Variants in IDH2 observed in about 807,000 individuals in gnomAD.
The protein encoded by IDH2 is isocitrate dehydrogenase [NADP], mitochondrial.
A neutral mutation model predicts 50.5 loss-of-function variants in IDH2; 18 were observed. The ratio of observed to expected loss-of-function variants is 0.36; its 90% confidence interval spans 0.25 to 0.53. The LOEUF (loss-of-function observed/expected upper bound fraction) is 0.53, where lower values mean the gene tolerates loss of function less well. IDH2 is among the 20% of genes least tolerant of loss of function. The pLI is 0.92. For synonymous variants in IDH2, 280 were observed against 239.8 expected (o/e 1.17, Z -1.55); for missense variants, 518 against 610.7 (o/e 0.85, Z 1.60).
In IDH2 at chr15:90,085,296, G is replaced by A. The variant is rs143339918; in HGVS notation, c.1059C>T (p.Arg353=). 60 of 1,552,548 alleles carry A rather than the reference G, an allele frequency of 3.9e-5. 1 individual carries two copies. In the African/African-American group the frequency reaches 5.7e-4, roughly 15 times the overall value. ...TCACCTTCTGGTGCTCCCGATAGTG[G>A]CGGGTGACGGTCCCATGAGCGGCCT... ...EAEAAHGTVT[R]HYREHQKGRP... is the part of the protein sequence containing the mutation. The change falls in exon 8 of 11, where the codon CGC becomes CGT. Residue 353 remains arginine, a synonymous_variant. Coordinates refer to ENST00000330062, the MANE Select transcript of IDH2 (RefSeq NM_002168.4). The surrounding 1 kb of genome is among the most constrained non-coding windows in gnomAD (Gnocchi z 5.5).
At position 90,100,702 on chromosome 15, in the gene IDH2, A is replaced by G; in HGVS notation, c.115+1574T>C. 1 of 951,970 alleles carries G rather than the reference A, an allele frequency of 1.1e-6. No homozygotes were observed. Among genetic ancestry groups the G allele is most frequent in the African/African-American group, 1.8e-5 (1 of 56,706 alleles). 59.0% of individuals were successfully genotyped at this position (951,970 alleles called of 1,614,324 possible). A position where few individuals can be genotyped will look rare whatever the true frequency, so the allele number is the denominator to read the frequency against. ...CCCAAAATATTCTTTCCTTGTCATC[A>G]AGGGGAATGCCAAGTATTCTGTCTC... On this transcript the variant is annotated intron_variant, in intron 1 of 10. Transcript: ENST00000330062. This position sits in a 1 kb window ranked among gnomAD's most constrained non-coding sequence, Gnocchi z 4.1.
chr15:90,102,461 C>G lies in IDH2; in HGVS notation c.-71G>C. On this transcript the variant is annotated 5_prime_UTR_variant, in exon 1 of 11. Coordinates refer to ENST00000330062, the MANE Select transcript of IDH2 (RefSeq NM_002168.4). ...GCGCCGCTCCTCCCGGCTGCCTGGC[C>G]GCGGGCTAACGCTGGGCCTGGCGGG... 1.2e-6 allele frequency: 1 copy of G among 857,400 alleles called. No homozygotes were observed. Among genetic ancestry groups the G allele is most frequent in the Non-Finnish European group, 1.5e-6 (1 of 658,056 alleles). 53.1% of individuals were successfully genotyped at this position (857,400 alleles called of 1,614,324 possible). A position where few individuals can be genotyped will look rare whatever the true frequency, so the allele number is the denominator to read the frequency against.
At chr15:90,091,674 C>A in intron 1 of IDH2, 30 bp from the exon 2 acceptor site, 1 of 1,589,124 alleles carries the variant, frequency 6.3e-7, no homozygotes, top group Non-Finnish European at 8.6e-7. Flanking sequence ...GCGCATCATG[C>A]CCCTGGGGAG....
In IDH2 at chr15:90,100,379, A is replaced by G. The variant is rs1901296843; in HGVS notation, c.115+1897T>C. Among the ~76,000 whole-genome samples, 2 of 152,118 alleles carry G rather than the reference A, an allele frequency of 1.3e-5. No individual in the cohort carries two copies. Among genetic ancestry groups the G allele is most frequent in the African/African-American group, 4.8e-5 (2 of 41,430 alleles). On this transcript the variant is annotated intron_variant, in intron 1 of 10. Coordinates refer to ENST00000330062, the MANE Select transcript of IDH2 (RefSeq NM_002168.4). This position sits in a 1 kb window ranked among gnomAD's most constrained non-coding sequence, Gnocchi z 4.1. ...CCAAAGAGGCTTTTCCTCAGTACCT[A>G]CTAGGCCTAAACACAACCACCCCAA...
Position 90,098,527 on chromosome 15 carries a change from C to CATGTATGTATGT in IDH2, c.115+3748_115+3749insACATACATACAT, listed in dbSNP as rs1567259685. ...TTATGTATGTATGTATGTATGTATG[C>CATGTATGTATGT]ATGCATGTATGTATGTATGTATGTA... On this transcript the variant is annotated intron_variant, in intron 1 of 10. Transcript: ENST00000330062. The surrounding 1 kb of genome is among the most constrained non-coding windows in gnomAD (Gnocchi z 5.1). Among the ~76,000 whole-genome samples, 6 of 144,658 alleles carry CATGTATGTATGT rather than the reference C, an allele frequency of 4.1e-5. No individual in the cohort carries two copies. Among genetic ancestry groups the CATGTATGTATGT allele is most frequent in the Non-Finnish European group, 7.7e-5 (5 of 64,714 alleles). The allele number at this position is 144,658 out of a possible 152,430, so 94.9% of individuals were successfully genotyped here.
chr15:90,097,003 G>A (rs955621173), intron 1 of IDH2, among the ~76,000 whole-genome samples: 1 of 152,118 alleles, frequency 6.6e-6, no homozygotes, highest in Non-Finnish European at 1.5e-5. Context: ...TATCGAAAGC[G>A]GGGTCTGAAA....
Position 90,085,991 on chromosome 15 carries a change from T to G in IDH2, c.968-604A>C, listed in dbSNP as rs1400846051. On this transcript the variant is annotated intron_variant, in intron 7 of 10. Transcript: ENST00000330062. This position sits in a 1 kb window ranked among gnomAD's most constrained non-coding sequence, Gnocchi z 5.5. Reference sequence around the variant, plus strand: ...TACAGGAAAATGCTTTGTCTATGAATTCTAAGAATTTTGGCTGTAAGCAAT... The same window carrying G: ...TACAGGAAAATGCTTTGTCTATGAAGTCTAAGAATTTTGGCTGTAAGCAAT... Among the ~76,000 whole-genome samples the G allele has an allele frequency of 6.6e-6, 1 of 152,188 alleles. No homozygotes were observed. The highest frequency in any genetic ancestry group is 1.5e-5 in the Non-Finnish European group (1 of 68,028).
intron 1 of IDH2, among the ~76,000 whole-genome samples, chr15:90,097,350 A>C (rs1901208297): frequency 6.6e-6 from 1 of 152,216 alleles, no homozygotes; most frequent in Non-Finnish European, 1.5e-5. Context: ...TTTATCATAG[A>C]TCTGTATGTA....
Position 90,083,998 on chromosome 15 carries a change from TA to T in IDH2, c.*267del. 1 of 535,410 alleles carries T rather than the reference TA, an allele frequency of 1.9e-6. No homozygotes were observed. Among genetic ancestry groups the T allele is most frequent in the Non-Finnish European group, 3.4e-6 (1 of 294,972 alleles). 33.2% of individuals were successfully genotyped at this position (535,410 alleles called of 1,614,324 possible). A position where few individuals can be genotyped will look rare whatever the true frequency, so the allele number is the denominator to read the frequency against. The stretch of plus-strand genomic sequence containing the variant: ...GACAATTTTGTGAAGAGCTTTTTAG[TA>T]GCTAAATATGGCACCATGTGTTCCA... On this transcript the variant is annotated 3_prime_UTR_variant, in exon 11 of 11. Coordinates refer to ENST00000330062, the MANE Select transcript of IDH2 (RefSeq NM_002168.4).
At position 90,102,406 on chromosome 15, in the gene IDH2, G is replaced by A. The variant is rs778900417; in HGVS notation, c.-16C>T. The A allele has an allele frequency of 1.9e-5, 25 of 1,306,340 alleles. No homozygotes were observed. In the East Asian group the frequency reaches 7.2e-4, roughly 38 times the overall value. 80.9% of individuals were successfully genotyped at this position (1,306,340 alleles called of 1,614,324 possible). A position where few individuals can be genotyped will look rare whatever the true frequency, so the allele number is the denominator to read the frequency against. On this transcript the variant is annotated 5_prime_UTR_variant, in exon 1 of 11. Transcript: ENST00000330062. ...AGCCGGCCATCCCAAGCTGGAGAGC[G>A]AACGAGCAGGGCGGGAGAGGTCCGA... is the stretch of plus-strand genomic sequence containing the variant.
Position 90,098,563 on chromosome 15 carries a change from G to GT in IDH2, c.115+3712_115+3713insA, listed in dbSNP as rs34365380. On this transcript the variant is annotated intron_variant, in intron 1 of 10. Transcript: ENST00000330062. This position sits in a 1 kb window ranked among gnomAD's most constrained non-coding sequence, Gnocchi z 5.1. ...GTATGTATGTATGTATGTATGTATT[G>GT]AGACAGAGTCTCACTCTGTCGCCTA... Among the ~76,000 whole-genome samples, 32 of 56,696 alleles carry GT rather than the reference G, an allele frequency of 5.6e-4. No homozygotes were observed. Among genetic ancestry groups the GT allele is most frequent in the Admixed American group, 2.6e-3 (13 of 5,002 alleles). The allele number at this position is 56,696 out of a possible 152,430, so 37.2% of individuals were successfully genotyped here.
rs1413510633 is a variant in IDH2 at position 90,087,099 on chromosome 15, C to T, written c.967+13G>A. The T allele has an allele frequency of 1.9e-6, 3 of 1,612,798 alleles. No individual in the cohort carries two copies. The South Asian group carries it at 3.3e-5, about 18-fold the overall frequency. On this transcript the variant is annotated intron_variant, in intron 7 of 10. Coordinates refer to ENST00000330062, the MANE Select transcript of IDH2 (RefSeq NM_002168.4). ...AGTCCACCCCCACAGGGAGCAGCGT[C>T]CTCCCAGCGTACCCTGGGCCAGGAT...
At chr15:90,092,170 A>G (rs1901056102) in intron 1 of IDH2, among the ~76,000 whole-genome samples, 1 of 152,176 alleles carries the variant, frequency 6.6e-6, no homozygotes. Context: ...TGTAATAATA[A>G]TAGAAATAAA....
intron 1 of IDH2, among the ~76,000 whole-genome samples, chr15:90,093,689 G>A (rs986766012): frequency 3.9e-5 from 6 of 152,084 alleles, no homozygotes; most frequent in South Asian, 2.1e-4. Context: ...GCGTGATCTC[G>A]GCTCACTGCA....
At chr15:90,086,050 T>C (rs1900851384) in intron 7 of IDH2, among the ~76,000 whole-genome samples, 1 of 152,224 alleles carries the variant, frequency 6.6e-6, no homozygotes. Flanking sequence ...TTCACACCAT[T>C]CCTTAGACAC....
At chr15:90,095,289 C>T (rs923241065) in intron 1 of IDH2, among the ~76,000 whole-genome samples, 5 of 152,132 alleles carry the variant, frequency 3.3e-5, no homozygotes, top group Admixed American at 1.3e-4. Flanking sequence ...GCTGGCTCTA[C>T]TGCCTTTCCC....
intron 2 of IDH2, among the ~76,000 whole-genome samples, chr15:90,090,958 G>C (rs1901019467): frequency 6.6e-6 from 1 of 152,192 alleles, no homozygotes; most frequent in Non-Finnish European, 1.5e-5. Flanking sequence ...CCAACCCCAA[G>C]TACATCTAGA....
intron 1 of IDH2, 131 bp from the exon 2 acceptor site, chr15:90,091,775 T>A: frequency 1.3e-6 from 1 of 772,346 alleles, no homozygotes; most frequent in Non-Finnish European, 2.3e-6. Context: ...CGGTGTCCAC[T>A]CCCCCGTCTG....
In IDH2 at chr15:90,098,543, T is replaced by TATGC. The variant is rs1036769363; in HGVS notation, c.115+3732_115+3733insGCAT. On this transcript the variant is annotated intron_variant, in intron 1 of 10. Transcript: ENST00000330062. The surrounding 1 kb of genome is among the most constrained non-coding windows in gnomAD (Gnocchi z 5.1). ...GTATGTATGCATGCATGTATGTATG[T>TATGC]ATGTATGTATGTATGTATTGAGACA... is the stretch of plus-strand genomic sequence containing the variant. Among the ~76,000 whole-genome samples the TATGC allele has an allele frequency of 1.8e-4, 26 of 148,196 alleles. No individual in the cohort carries two copies. Among genetic ancestry groups the TATGC allele is most frequent in the Admixed American group, 7.4e-4 (11 of 14,868 alleles).
Sources: gnomAD v4.1 joint callset for allele counts (sites outside exome capture counted in the v4.1 genomes callset) on GRCh38, gnomAD v4.1.1 for gene constraint, Gnocchi (gnomAD v3.1) non-coding constraint, MANE v1.5 for transcripts, NCBI Gene and HGNC (gene_info 2026-07-23, HGNC 2026-07-21) for gene names.